PRKAR2B: variants seen among roughly 807,000 people sequenced by gnomAD.
PRKAR2B encodes the protein protein kinase cAMP-dependent type II regulatory subunit beta, also known as cAMP-dependent protein kinase type II-beta regulatory subunit.
A neutral mutation model predicts 49.9 loss-of-function variants in PRKAR2B; 14 were observed. The ratio of observed to expected loss-of-function variants is 0.28; its 90% CI spans 0.19 to 0.44. The LOEUF is 0.44. Among genes scored for constraint, PRKAR2B ranks in the 20% least tolerant of loss-of-function variants. The probability of loss-of-function intolerance (pLI) is 1.00; values close to 1 mark genes in which losing one functional copy is unlikely to be tolerated. For missense variants in PRKAR2B, 393 were observed against 537.9 expected, an observed-to-expected ratio of 0.73 and a Z score of 2.67; for synonymous variants, 196 against 197.7, an observed-to-expected ratio of 0.99 and a Z score of 0.07.
At chr7:107,112,260 G>A (rs1440751792) in intron 2 of PRKAR2B, among the ~76,000 whole-genome samples, 7 of 145,298 alleles carry the variant, frequency 4.8e-5, no homozygotes, top group Non-Finnish European at 8.9e-5. Flanking sequence ...CAAGAAACAA[G>A]TAAGTTTGCT....
intron 10 of PRKAR2B, among the ~76,000 whole-genome samples, chr7:107,157,969 T>C (rs1796126329): frequency 6.6e-6 from 1 of 152,256 alleles, no homozygotes; most frequent in African/African-American, 2.4e-5. Context: ...TTACCCTCTC[T>C]GTGCTTTTCA....
chr7:107,151,146 A>C (rs1795978896), intron 7 of PRKAR2B, 123 bp downstream of exon 7: 2 of 543,016 alleles, frequency 3.7e-6, no homozygotes, highest in Non-Finnish European at 6.3e-6. Context: ...TTTATTTGAA[A>C]AGATTAAATG....
chr7:107,088,303 C>G (rs902672197), intron 2 of PRKAR2B, among the ~76,000 whole-genome samples: 1 of 152,174 alleles, frequency 6.6e-6, no homozygotes, highest in Non-Finnish European at 1.5e-5. Context: ...ATTTATTTAT[C>G]TAGTGAGTGA....
intron 2 of PRKAR2B, among the ~76,000 whole-genome samples, chr7:107,081,306 A>G (rs558047017): frequency 7.6e-4 from 115 of 152,284 alleles, no homozygotes; most frequent in Admixed American, 2.0e-3. Flanking sequence ...CCCTCATCAT[A>G]AACTGTATTT....
intron 1 of PRKAR2B, among the ~76,000 whole-genome samples, chr7:107,063,630 C>A (rs957048051): frequency 6.6e-6 from 1 of 152,144 alleles, no homozygotes; most frequent in African/African-American, 2.4e-5. Flanking sequence ...ACTGGAATGG[C>A]AGGAATATCT....
At chr7:107,087,486 G>A (rs1454677709) in intron 2 of PRKAR2B, among the ~76,000 whole-genome samples, 1 of 152,110 alleles carries the variant, frequency 6.6e-6, no homozygotes, top group Non-Finnish European at 1.5e-5. Context: ...TTTTCTAAGT[G>A]CTTTACATGT....
chr7:107,127,100 G>T (rs1651828938), intron 3 of PRKAR2B, among the ~76,000 whole-genome samples: 1 of 152,196 alleles, frequency 6.6e-6, no homozygotes, highest in African/African-American at 2.4e-5. Flanking sequence ...TTAGCCATCT[G>T]ATGTGGTTTG....
At chr7:107,110,311 G>T (rs1015367804) in intron 2 of PRKAR2B, among the ~76,000 whole-genome samples, 1 of 152,110 alleles carries the variant, frequency 6.6e-6, no homozygotes, top group African/African-American at 2.4e-5. Flanking sequence ...CTCTGGGGCC[G>T]TAAATAAACT....
At chr7:107,125,486 A>G (rs745755734) in intron 3 of PRKAR2B, among the ~76,000 whole-genome samples, 2 of 152,228 alleles carry the variant, frequency 1.3e-5, no homozygotes, top group Non-Finnish European at 2.9e-5. Flanking sequence ...CTTTGGGTGT[A>G]TTGCTGAGGC....
At chr7:107,123,242 T>C (rs1285213527) in intron 3 of PRKAR2B, among the ~76,000 whole-genome samples, 1 of 152,230 alleles carries the variant, frequency 6.6e-6, no homozygotes, top group Non-Finnish European at 1.5e-5. Context: ...CAATATGCAG[T>C]ATCTCATTGA....
At chr7:107,127,024 T>C (rs1408444222) in intron 3 of PRKAR2B, among the ~76,000 whole-genome samples, 1 of 152,240 alleles carries the variant, frequency 6.6e-6, no homozygotes, top group Non-Finnish European at 1.5e-5. Context: ...ATAGTTTACA[T>C]ATAAATAGTT....
chr7:107,139,786 CAT>C (rs1795759618), intron 4 of PRKAR2B, among the ~76,000 whole-genome samples: 1 of 152,194 alleles, frequency 6.6e-6, no homozygotes, highest in Non-Finnish European at 1.5e-5. Flanking sequence ...GAGAGAATCA[CAT>C]GTGATCTGTT....
chr7:107,131,904 C>T (rs6955691), intron 4 of PRKAR2B, among the ~76,000 whole-genome samples: 9,116 of 152,116 alleles, frequency 0.06, 887 homozygotes, highest in African/African-American at 0.21. Flanking sequence ...TCATGCAGCT[C>T]CTTTCATTTT....
At chr7:107,155,682 G>A (rs957287442) in intron 8 of PRKAR2B, among the ~76,000 whole-genome samples, 2 of 151,304 alleles carry the variant, frequency 1.3e-5, no homozygotes, top group Non-Finnish European at 2.9e-5. Flanking sequence ...ATTCTTTTGA[G>A]AAGTGTCCGT....
At chr7:107,151,845 C>A (rs1795994127) in intron 7 of PRKAR2B, among the ~76,000 whole-genome samples, 1 of 152,182 alleles carries the variant, frequency 6.6e-6, no homozygotes, top group South Asian at 2.1e-4. Flanking sequence ...GTTTCTATCG[C>A]TTTCAAACAA....
intron 2 of PRKAR2B, among the ~76,000 whole-genome samples, chr7:107,073,320 CAT>C (rs72329118): frequency 0.14 from 20,695 of 152,124 alleles, 2,083 homozygotes; most frequent in African/African-American, 0.27. Context: ...TCGTCTTCCT[CAT>C]GTGTTCAGTG....
chr7:107,098,989 G>T (rs1347207014), intron 2 of PRKAR2B, among the ~76,000 whole-genome samples: 1 of 152,208 alleles, frequency 6.6e-6, no homozygotes, highest in Non-Finnish European at 1.5e-5. Context: ...GAGGCAGTCT[G>T]TCCATTCTCA....
rs190803059 is a variant in PRKAR2B, at chr7:107,102,918, G to A, written c.344-19034G>A. On this transcript the variant is annotated intron_variant, in intron 2 of 10. Coordinates refer to ENST00000265717, the MANE Select transcript of PRKAR2B (RefSeq NM_002736.3). ...ACTTCTGACCTCAGGTGATCTGCCC[G>A]CCTCAGCCTCCCAAAGTGTTGGGAT... is the stretch of plus-strand genomic sequence containing the variant. Among the ~76,000 whole-genome samples, 1,066 of 152,244 alleles carry A rather than the reference G, an allele frequency of 7.0e-3. 7 individuals carry two copies. The highest frequency in any genetic ancestry group is 0.012 in the Non-Finnish European group (831 of 68,006).
At chr7:107,139,740 A>C (rs1246855163) in intron 4 of PRKAR2B, among the ~76,000 whole-genome samples, 1 of 152,212 alleles carries the variant, frequency 6.6e-6, no homozygotes. Flanking sequence ...TCATATCTTC[A>C]TATGCCTTGT....
Sources: allele counts gnomAD v4.1 joint callset (sites outside exome capture counted in the v4.1 genomes callset), GRCh38; gene constraint gnomAD v4.1.1; transcripts MANE v1.5; gene names NCBI Gene and HGNC (gene_info 2026-07-23, HGNC 2026-07-21).